The following GALNT13 variants were observed in gnomAD, a reference collection of about 807,000 sequenced individuals.
GALNT13 encodes the protein UDP-GalNAc:polypeptide N-acetylgalactosaminyltransferase 13.
GALNT13 carries 28 observed loss-of-function variants against 64.2 expected under a neutral mutation model. The ratio of observed to expected loss-of-function variants is 0.44; its 90% CI spans 0.32 to 0.60. GALNT13 has a LOEUF of 0.60. Ranked by LOEUF, GALNT13 falls within the 20% of genes least tolerant of loss-of-function variation. The pLI is 0.05. For synonymous variants in GALNT13, 214 were observed against 224.6 expected (o/e 0.95, Z 0.42); for missense variants, 577 against 669.8 (o/e 0.86, Z 1.53).
At chr2:153,361,954 C>T in the GALNT13 span, among the ~76,000 whole-genome samples, 1 of 152,064 alleles carries the variant, frequency 6.6e-6, no homozygotes, top group African/African-American at 2.4e-5. Context: ...GGAGAAAGTA[C>T]TAAGGGCAGC....
rs1698277433 is a variant in GALNT13 at position 154,030,668 on chromosome 2, G to A, written c.142+86029G>A. 2.0e-5 allele frequency among the ~76,000 whole-genome samples: 3 copies of A among 152,054 alleles called. No homozygotes were observed. In the South Asian group the frequency reaches 6.2e-4, roughly 32 times the overall value. On this transcript the variant is annotated intron_variant, in intron 3 of 12. Coordinates refer to ENST00000392825, the MANE Select transcript of GALNT13 (RefSeq NM_052917.4). ...CTGGTTGGCAGTTATTGGATCATGG[G>A]TGCAGATTTCCCCCTTGCTGTTCTC... is the stretch of plus-strand genomic sequence containing the variant.
intron 4 of GALNT13, among the ~76,000 whole-genome samples, chr2:154,206,155 G>A (rs947156507): frequency 2.4e-4 from 37 of 151,514 alleles, no homozygotes; most frequent in African/African-American, 7.7e-4. Context: ...CCGCCACCAC[G>A]CCCGGCTAAT....
At chr2:153,841,236 T>C in the GALNT13 span, among the ~76,000 whole-genome samples, 2 of 152,212 alleles carry the variant, frequency 1.3e-5, no homozygotes, top group Non-Finnish European at 2.9e-5. Context: ...GTTATTCCTC[T>C]ATAGAAATTC....
the GALNT13 span, among the ~76,000 whole-genome samples, chr2:153,195,697 G>A: frequency 1.3e-3 from 203 of 152,336 alleles, no homozygotes; most frequent in African/African-American, 4.6e-3. Flanking sequence ...GCGAGCAAGG[G>A]ACATGTCTCA....
the GALNT13 span, among the ~76,000 whole-genome samples, chr2:153,617,605 T>A: frequency 1.3e-5 from 2 of 151,972 alleles, no homozygotes; most frequent in Non-Finnish European, 2.9e-5. Flanking sequence ...TCCTCTTTTA[T>A]TTTTGGAAAA....
chr2:153,602,775 G>A, the GALNT13 span, among the ~76,000 whole-genome samples: 2 of 151,758 alleles, frequency 1.3e-5, no homozygotes, highest in East Asian at 3.9e-4. Flanking sequence ...ATCTGCTTAG[G>A]TTTTAATACA....
At chr2:154,103,580 A>G (rs1443617358) in intron 3 of GALNT13, among the ~76,000 whole-genome samples, 2 of 151,968 alleles carry the variant, frequency 1.3e-5, no homozygotes, top group African/African-American at 4.8e-5. Context: ...TCTTGGGCTG[A>G]CTCTATTTCA....
chr2:153,104,947 A>G, the GALNT13 span, among the ~76,000 whole-genome samples: 2 of 151,734 alleles, frequency 1.3e-5, no homozygotes, highest in Non-Finnish European at 2.9e-5. Flanking sequence ...CAGGTTAGTT[A>G]CATATGTATA....
At chr2:154,130,163 T>C (rs1682527109) in intron 3 of GALNT13, among the ~76,000 whole-genome samples, 1 of 152,116 alleles carries the variant, frequency 6.6e-6, no homozygotes, top group South Asian at 2.1e-4. Flanking sequence ...CCCTGTGAAA[T>C]TATAGTTGTG....
the GALNT13 span, among the ~76,000 whole-genome samples, chr2:153,535,427 A>T: frequency 1.4e-3 from 205 of 151,138 alleles, 1 homozygote; most frequent in Admixed American, 4.7e-3. Context: ...TTGGAAAAAC[A>T]GTGTAAACCG....
intron 2 of GALNT13, 45 bp downstream of exon 2, chr2:153,901,052 A>T (rs1688201412): frequency 6.6e-6 from 1 of 152,170 alleles, no homozygotes; most frequent in African/African-American, 2.4e-5. Context: ...GTCATGTTCG[A>T]TTAATTTGGC....
chr2:153,948,717 A>T (rs558982557), intron 3 of GALNT13, among the ~76,000 whole-genome samples: 2 of 152,266 alleles, frequency 1.3e-5, no homozygotes, highest in East Asian at 3.9e-4. Context: ...ACGTGGATGG[A>T]GCTGGAGGCA....
rs534543598 is a variant in GALNT13 at position 154,137,589 on chromosome 2, T to TAC, written c.143-2746_143-2745dup. Among the ~76,000 whole-genome samples, 398 of 152,280 alleles carry TAC rather than the reference T, an allele frequency of 2.6e-3. 3 individuals are homozygous for TAC. Among genetic ancestry groups the TAC allele is most frequent in the African/African-American group, 9.1e-3 (377 of 41,564 alleles). On this transcript the variant is annotated intron_variant, in intron 3 of 12. Coordinates refer to ENST00000392825, the MANE Select transcript of GALNT13 (RefSeq NM_052917.4). ...TGCTACCACTGACAAAACTATAACTTACATAATGTGAAAATAAAACTGTCA... is the reference window on the plus strand; with the variant it reads ...TGCTACCACTGACAAAACTATAACTTACACATAATGTGAAAATAAAACTGTCA...
the GALNT13 span, among the ~76,000 whole-genome samples, chr2:153,720,145 CCCTG>C: frequency 6.9e-6 from 1 of 145,330 alleles, no homozygotes; most frequent in Non-Finnish European, 1.5e-5. Flanking sequence ...TCAAGTGGGT[CCCTG>C]ACCCCTGACC....
At chr2:153,658,584 T>A in the GALNT13 span, among the ~76,000 whole-genome samples, 4 of 152,284 alleles carry the variant, frequency 2.6e-5, no homozygotes, top group Admixed American at 6.5e-5. Context: ...TTAGCATTTT[T>A]AAAAATTATC....
At chr2:154,329,279 T>C (rs1354124112) in intron 9 of GALNT13, among the ~76,000 whole-genome samples, 8 of 152,084 alleles carry the variant, frequency 5.3e-5, no homozygotes, top group Admixed American at 2.0e-4. Context: ...CTAATTTTTG[T>C]ATTAGTAGAG....
chr2:154,250,277 T>A (rs1046159479), intron 7 of GALNT13, among the ~76,000 whole-genome samples: 1 of 152,092 alleles, frequency 6.6e-6, no homozygotes, highest in Non-Finnish European at 1.5e-5. Flanking sequence ...CAATGAGCCA[T>A]CTCTTTTAGA....
chr2:153,866,262 GTAAC>G, the GALNT13 span, among the ~76,000 whole-genome samples: 4 of 147,086 alleles, frequency 2.7e-5, no homozygotes, highest in East Asian at 2.0e-4. Context: ...GTATACATAT[GTAAC>G]TAACCTGCAC....
At chr2:153,699,192 A>G in the GALNT13 span, among the ~76,000 whole-genome samples, 5 of 152,142 alleles carry the variant, frequency 3.3e-5, no homozygotes, top group African/African-American at 1.2e-4. Flanking sequence ...AATTCACTCA[A>G]AAATACACAA....
Sources: allele counts gnomAD v4.1 joint callset (sites outside exome capture counted in the v4.1 genomes callset), GRCh38; gene constraint gnomAD v4.1.1; transcripts MANE v1.5; gene names NCBI Gene and HGNC (gene_info 2026-07-23, HGNC 2026-07-21).